The following USP32 variants were observed in gnomAD, a reference collection of about 807,000 sequenced individuals.
USP32 encodes the protein ubiquitin carboxyl-terminal hydrolase 32.
In USP32, 59 loss-of-function variants were observed where a neutral mutation model predicts 204.8. The ratio of observed to expected loss-of-function variants is 0.29; its 90% CI spans 0.23 to 0.36. USP32 has a LOEUF of 0.36. Ranked by LOEUF, USP32 falls within the 10% of genes least tolerant of loss-of-function variation. USP32 has a pLI of 1.00. For missense variants in USP32, 1,160 were observed against 1,946.4 expected (o/e 0.60, Z 7.60); for synonymous variants, 517 against 678.4 (o/e 0.76, Z 3.70).
intron 1 of USP32, among the ~76,000 whole-genome samples, chr17:60,389,183 A>T (rs752027110): frequency 6.6e-6 from 1 of 152,194 alleles, no homozygotes; most frequent in Non-Finnish European, 1.5e-5. Context: ...CAATGAATGC[A>T]GGTTTTACCA....
intron 12 of USP32, chr17:60,231,372 C>T: frequency 7.5e-6 from 2 of 267,384 alleles, no homozygotes; most frequent in East Asian, 1.6e-4. Flanking sequence ...ACTCAGGACA[C>T]TGAGCTCTAG....
At chr17:60,398,679 A>T (rs1484972095) in intron 1 of USP32, among the ~76,000 whole-genome samples, 1 of 152,106 alleles carries the variant, frequency 6.6e-6, no homozygotes, top group Non-Finnish European at 1.5e-5. Flanking sequence ...TAAGTTGCTT[A>T]GCTAGGTACA....
At position 60,183,459 on chromosome 17, in the gene USP32, GAAGTA is replaced by G. The variant is rs777789301; in HGVS notation, c.3835-11_3835-7del. 2 of 1,585,854 alleles carry G rather than the reference GAAGTA, an allele frequency of 1.3e-6. No individual in the cohort carries two copies. The highest frequency in any genetic ancestry group is 1.1e-5 in the South Asian group (1 of 87,200). On this transcript the variant is annotated splice_region_variant and splice_polypyrimidine_tract_variant and intron_variant, in intron 30 of 33. Transcript: ENST00000300896. ...AATCGCTTAAGGTGAATAATCTGGA[GAAGTA>G]AAGGTAGAAAACATCTGCATTAAAG...
In USP32 at chr17:60,262,683, T is replaced by TA. The variant is rs376414431; in HGVS notation, c.990+2728dup. ...TCCAATCCAGGTCTACAGCCTTCAA[T>TA]ATATGAATCTGTTATTCCAGCCACA... is the stretch of plus-strand genomic sequence containing the variant. On this transcript the variant is annotated intron_variant, in intron 9 of 33. Coordinates refer to ENST00000300896, the MANE Select transcript of USP32 (RefSeq NM_032582.4). Among the ~76,000 whole-genome samples, 203 of 152,244 alleles carry TA rather than the reference T, an allele frequency of 1.3e-3. 1 individual carries two copies. Among genetic ancestry groups the TA allele is most frequent in the African/African-American group, 4.5e-3 (188 of 41,548 alleles).
chr17:60,367,068 C>T (rs2089332226), intron 1 of USP32, among the ~76,000 whole-genome samples: 1 of 152,178 alleles, frequency 6.6e-6, no homozygotes, highest in South Asian at 2.1e-4. Flanking sequence ...ACCTTGTGAT[C>T]CGCCCCCCTT....
intron 5 of USP32, among the ~76,000 whole-genome samples, chr17:60,272,661 C>T (rs1348814189): frequency 6.6e-6 from 1 of 152,070 alleles, no homozygotes; most frequent in Non-Finnish European, 1.5e-5. Context: ...AACGGTGAAC[C>T]TTGAGAGAGA....
rs762745009 is a variant in USP32, at chr17:60,209,471, G to C, written c.2497C>G (p.Leu833Val). The C allele has an allele frequency of 6.2e-7, 1 of 1,600,290 alleles. No individual in the cohort carries two copies. Among genetic ancestry groups the C allele is most frequent in the Admixed American group, 1.7e-5 (1 of 57,216 alleles). ...AGATCTTCATGAAGACCATCCAAGA[G>C]AAAAGCCAGAAGTTCTTGGGAGTCC... ...QQDSQELLAFLLDGLHEDLNR... is the reference protein window; with the variant it reads ...QQDSQELLAFVLDGLHEDLNR... Residue 833 changes from leucine to valine, a missense_variant, in exon 22 of 34, where the codon CTC becomes GTC. Transcript: ENST00000300896.
intron 1 of USP32, among the ~76,000 whole-genome samples, chr17:60,352,847 C>T (rs996575353): frequency 6.6e-6 from 1 of 152,102 alleles, no homozygotes; most frequent in Non-Finnish European, 1.5e-5. Context: ...GGTAAGAAGG[C>T]AGATTCAAGA....
intron 1 of USP32, among the ~76,000 whole-genome samples, chr17:60,362,298 T>C (rs1448017619): frequency 6.6e-6 from 1 of 152,228 alleles, no homozygotes. Context: ...CTGTATGTTG[T>C]ACAACAAAGC....
At chr17:60,287,317 T>A (rs762551650) in intron 5 of USP32, among the ~76,000 whole-genome samples, 1 of 152,234 alleles carries the variant, frequency 6.6e-6, no homozygotes, top group Non-Finnish European at 1.5e-5. Context: ...TATGACCTAC[T>A]TGTAAGCTCC....
At chr17:60,411,221 G>A (rs1389275750) in intron 1 of USP32, among the ~76,000 whole-genome samples, 4 of 151,846 alleles carry the variant, frequency 2.6e-5, no homozygotes, top group African/African-American at 7.3e-5. Context: ...GCTATTTGGG[G>A]GCTGAGGCAG....
intron 2 of USP32, among the ~76,000 whole-genome samples, chr17:60,306,378 C>T (rs2087722878): frequency 6.6e-6 from 1 of 152,196 alleles, no homozygotes; most frequent in Non-Finnish European, 1.5e-5. Flanking sequence ...TGGCTCATGC[C>T]TGTAATCCCA....
At chr17:60,379,125 C>T (rs2089603225) in intron 1 of USP32, among the ~76,000 whole-genome samples, 1 of 152,056 alleles carries the variant, frequency 6.6e-6, no homozygotes, top group South Asian at 2.1e-4. Context: ...CTATTGCAGT[C>T]AAAATCATAA....
At chr17:60,379,988 ATG>A (rs1402996658) in intron 1 of USP32, among the ~76,000 whole-genome samples, 1 of 152,204 alleles carries the variant, frequency 6.6e-6, no homozygotes, top group African/African-American at 2.4e-5. Context: ...CACATAAAAC[ATG>A]TGTTATTTAT....
chr17:60,347,644 C>T (rs182436979), intron 1 of USP32, among the ~76,000 whole-genome samples: 54 of 151,432 alleles, frequency 3.6e-4, no homozygotes, highest in Admixed American at 2.3e-3. Context: ...TGAGCCACCG[C>T]GCCCGGCCTA....
chr17:60,298,189 A>T (rs2087486386), intron 3 of USP32, among the ~76,000 whole-genome samples: 1 of 152,226 alleles, frequency 6.6e-6, no homozygotes, highest in Non-Finnish European at 1.5e-5. Context: ...TGCATGTGTC[A>T]GGAACCACTT....
chr17:60,339,265 A>C (rs1243176564), intron 2 of USP32, among the ~76,000 whole-genome samples: 1 of 152,078 alleles, frequency 6.6e-6, no homozygotes, highest in Admixed American at 6.5e-5. Context: ...CAGTATGTCT[A>C]ATGAGATATG....
intron 11 of USP32, among the ~76,000 whole-genome samples, chr17:60,243,643 A>G (rs2085935839): frequency 6.6e-6 from 1 of 152,166 alleles, no homozygotes; most frequent in Non-Finnish European, 1.5e-5. Context: ...GGTTTTTTCT[A>G]AGCCACTTAA....
intron 2 of USP32, among the ~76,000 whole-genome samples, chr17:60,319,608 T>C (rs1175261450): frequency 6.6e-6 from 1 of 151,862 alleles, no homozygotes; most frequent in Admixed American, 6.6e-5. Context: ...TGAAACCCCA[T>C]CTCTACCAAA....
Sources: allele counts gnomAD v4.1 joint callset (sites outside exome capture counted in the v4.1 genomes callset), GRCh38; gene constraint gnomAD v4.1.1; transcripts MANE v1.5; gene names NCBI Gene and HGNC (gene_info 2026-07-23, HGNC 2026-07-21).